PRDM1: variants seen among roughly 807,000 people sequenced by gnomAD.
The protein encoded by PRDM1 is PR/SET domain 1.
In PRDM1, 13 loss-of-function variants were observed where a neutral mutation model predicts 62.8. The observed-to-expected ratio is 0.21, with a 90% confidence interval of 0.13 to 0.33. The LOEUF is 0.33. Among genes scored for constraint, PRDM1 ranks in the 10% least tolerant of loss-of-function variants. The probability of loss-of-function intolerance (pLI) is 1.00; values close to 1 mark genes in which losing one functional copy is unlikely to be tolerated. For synonymous variants in PRDM1, 396 were observed against 417.6 expected, an observed-to-expected ratio of 0.95 and a Z score of 0.63; for missense variants, 895 against 1,058.8, an observed-to-expected ratio of 0.85 and a Z score of 2.15.
chr6:106,043,244 C>A (rs551534762), intron 1 of PRDM1, among the ~76,000 whole-genome samples: 4 of 152,290 alleles, frequency 2.6e-5, no homozygotes, highest in African/African-American at 9.6e-5. Context: ...TTTTCTCTCA[C>A]ACAACACAAA....
chr6:105,997,286 T>C (rs1582420117), intron 1 of PRDM1, among the ~76,000 whole-genome samples: 1 of 152,332 alleles, frequency 6.6e-6, no homozygotes, highest in East Asian at 1.9e-4. Context: ...TTTTTTTTTA[T>C]ATTGTGCTAA....
rs1176122612 is a variant in PRDM1 at position 106,066,125 on chromosome 6, G to A, written c.-67+17411G>A. On this transcript the variant is annotated intron_variant, in intron 1 of 6. Transcript: ENST00000651185. ...TAACCACCCATTGTCTATGGTTTCC[G>A]CTTGCTCCTTCCAAATGGGACAAAT... 3.9e-5 allele frequency among the ~76,000 whole-genome samples: 6 copies of A among 152,124 alleles called. No homozygotes were observed. In the East Asian group the frequency reaches 5.8e-4, roughly 15 times the overall value.
intron 1 of PRDM1, among the ~76,000 whole-genome samples, chr6:106,003,940 G>C (rs1180988057): frequency 6.6e-6 from 1 of 152,172 alleles, no homozygotes; most frequent in Non-Finnish European, 1.5e-5. Flanking sequence ...ATCAGTGGAG[G>C]AGTGACAGAT....
At chr6:106,059,569 G>A (rs1190886289) in intron 1 of PRDM1, among the ~76,000 whole-genome samples, 2 of 152,320 alleles carry the variant, frequency 1.3e-5, no homozygotes, top group Admixed American at 6.5e-5. Flanking sequence ...GAGGATGATG[G>A]AAAGCCCTTG....
upstream of PRDM1, among the ~76,000 whole-genome samples, chr6:106,083,844 C>T (rs1380818104): frequency 6.6e-6 from 1 of 152,200 alleles, no homozygotes; most frequent in Non-Finnish European, 1.5e-5. Context: ...CAGACAGTGG[C>T]AGCCTCTGAT....
rs143386865 is a variant in PRDM1, at chr6:106,049,837, A to G, written c.-67+1123A>G. ...GATAAATGGCTGCCTTTACCTTTAA[A>G]TTAGATTGGTTCCTTGTTCTCTCGA... On this transcript the variant is annotated intron_variant, in intron 1 of 6. Coordinates refer to the PRDM1 transcript ENST00000651185. 2.0e-5 allele frequency among the ~76,000 whole-genome samples: 3 copies of G among 152,156 alleles called. No individual in the cohort carries two copies. The South Asian group carries it at 6.2e-4, about 32-fold the overall frequency.
intron 1 of PRDM1, among the ~76,000 whole-genome samples, chr6:106,075,501 T>C (rs1773592358): frequency 6.6e-6 from 1 of 152,236 alleles, no homozygotes; most frequent in African/African-American, 2.4e-5. Context: ...AAGCTTTACA[T>C]AGCCTTGTAT....
intron 1 of PRDM1, among the ~76,000 whole-genome samples, chr6:105,996,554 A>G (rs1772350845): frequency 6.6e-6 from 1 of 152,142 alleles, no homozygotes; most frequent in Non-Finnish European, 1.5e-5. Flanking sequence ...TATAGCATTC[A>G]ACTCCTCTGC....
intron 1 of PRDM1, among the ~76,000 whole-genome samples, chr6:106,003,358 G>C (rs926147609): frequency 6.6e-6 from 1 of 152,130 alleles, no homozygotes; most frequent in Non-Finnish European, 1.5e-5. Flanking sequence ...TTAACCCTCA[G>C]GGTGGGAAAG....
chr6:106,078,692 C>T (rs6913893), intron 1 of PRDM1, among the ~76,000 whole-genome samples: 11,948 of 151,992 alleles, frequency 0.079, 751 homozygotes, highest in African/African-American at 0.18. Flanking sequence ...GGCAACATGG[C>T]GAAACCCTGT....
chr6:106,107,517 A>C lies in PRDM1; in HGVS notation c.*31A>C. The C allele has an allele frequency of 6.4e-7, 1 of 1,554,798 alleles. No homozygotes were observed. The highest frequency in any genetic ancestry group is 1.2e-5 in the South Asian group (1 of 83,186). On this transcript the variant is annotated 3_prime_UTR_variant, in exon 7 of 7. Coordinates refer to ENST00000369096, the MANE Select transcript of PRDM1 (RefSeq NM_001198.4). The stretch of plus-strand genomic sequence containing the variant: ...TCAGAAAACACTTATTTTGTTTCTT[A>C]AGTTATGACTTGGTGAGTCAGGGTG...
At chr6:106,004,163 C>T (rs1000668737) in intron 1 of PRDM1, among the ~76,000 whole-genome samples, 6 of 152,026 alleles carry the variant, frequency 3.9e-5, no homozygotes, top group African/African-American at 1.4e-4. Flanking sequence ...TCTCTGCAGC[C>T]TGACCTCTCC....
chr6:106,031,236 A>T (rs1389386700), intron 1 of PRDM1, among the ~76,000 whole-genome samples: 1 of 152,194 alleles, frequency 6.6e-6, no homozygotes, highest in East Asian at 1.9e-4. Context: ...ACTTTTGCCC[A>T]CATGGAACTT....
intron 1 of PRDM1, among the ~76,000 whole-genome samples, chr6:106,014,015 G>C (rs1057082776): frequency 1.3e-5 from 2 of 148,704 alleles, no homozygotes; most frequent in Non-Finnish European, 3.0e-5. Flanking sequence ...CTTCTTTACT[G>C]TCTGTCTCTC....
At chr6:106,099,211 C>T (rs1774195959) in intron 3 of PRDM1, 89 bp from the exon 4 acceptor site, 2 of 1,603,660 alleles carry the variant, frequency 1.2e-6, no homozygotes, top group Non-Finnish European at 1.7e-6. Flanking sequence ...TCAGAAATCA[C>T]ACACGGTACC....
At position 106,099,282 on chromosome 6, in the gene PRDM1, G is replaced by T. The variant is rs183888894; in HGVS notation, c.412-18G>T. ...GGGTCTGACTTCCTTTTACATGCCT[G>T]TCTTCTCTTTTGGACAGATCTATTC... On this transcript the variant is annotated intron_variant, in intron 3 of 6. Coordinates refer to ENST00000369096, the MANE Select transcript of PRDM1 (RefSeq NM_001198.4). 6.2e-7 allele frequency: 1 copy of T among 1,613,334 alleles called. No homozygotes were observed. The highest frequency in any genetic ancestry group is 8.5e-7 in the Non-Finnish European group (1 of 1,179,360).
chr6:106,103,753 C>T (rs374502041), intron 4 of PRDM1, among the ~76,000 whole-genome samples: 29 of 152,224 alleles, frequency 1.9e-4, no homozygotes, highest in African/African-American at 7.0e-4. Context: ...AATAACGTGC[C>T]GTCTTTGGGA....
chr6:106,005,751 T>A (rs1772473676), intron 1 of PRDM1, among the ~76,000 whole-genome samples: 1 of 152,108 alleles, frequency 6.6e-6, no homozygotes, highest in Admixed American at 6.5e-5. Context: ...AGAAGAAAAA[T>A]TATACTGTAG....
At chr6:106,093,722 T>C (rs1582465667) in intron 2 of PRDM1, among the ~76,000 whole-genome samples, 1 of 152,152 alleles carries the variant, frequency 6.6e-6, no homozygotes. Flanking sequence ...TTGTCCCCAG[T>C]AGTTTTACTG....
Sources: gnomAD v4.1 joint callset for allele counts (sites outside exome capture counted in the v4.1 genomes callset) on GRCh38, gnomAD v4.1.1 for gene constraint, MANE v1.5 for transcripts, NCBI Gene and HGNC (gene_info 2026-07-23, HGNC 2026-07-21) for gene names.